Variants in MINK1 observed in about 807,000 individuals in gnomAD.
MINK1 encodes the protein misshapen like kinase 1.
MINK1 carries 46 observed loss-of-function variants against 178.4 expected under a neutral mutation model. The ratio of observed to expected loss-of-function variants is 0.26; its 90% CI spans 0.20 to 0.33. MINK1 has a LOEUF of 0.33. Among genes scored for constraint, MINK1 ranks in the 10% least tolerant of loss-of-function variants. The pLI, the probability that MINK1 is intolerant of heterozygous loss-of-function variation, is 1.00. For missense variants in MINK1, 1,366 were observed against 1,814.9 expected (o/e 0.75, Z 4.49); for synonymous variants, 797 against 709.7 (o/e 1.12, Z -1.96).
In MINK1 at chr17:4,881,369, C is replaced by T. The variant is rs746441024; in HGVS notation, c.306+112C>T. 3.4e-4 allele frequency: 424 copies of T among 1,241,512 alleles called. 1 individual carries two copies. Among genetic ancestry groups the T allele is most frequent in the Non-Finnish European group, 4.3e-4 (388 of 899,796 alleles). The allele number at this position is 1,241,512 out of a possible 1,614,324, so 76.9% of individuals were successfully genotyped here. Reference sequence around the variant, plus strand: ...CTCTCCTTGCCAGCTACCCTCCCTCCGGTCTACCCAGCCTCCCCTGTCCCT... The same window carrying T: ...CTCTCCTTGCCAGCTACCCTCCCTCTGGTCTACCCAGCCTCCCCTGTCCCT... On this transcript the variant is annotated intron_variant, in intron 4 of 31. Transcript: ENST00000355280.
At chr17:4,865,349 C>T (rs1443291405) in intron 1 of MINK1, among the ~76,000 whole-genome samples, 2 of 151,468 alleles carry the variant, frequency 1.3e-5, no homozygotes, top group East Asian at 1.9e-4. Context: ...CAGGAGAATC[C>T]CTTGAACCCG....
In MINK1 at chr17:4,833,528, TG is replaced by T; in HGVS notation, c.-54del. Reference sequence around the variant, plus strand: ...GGGGGAGAAGCGGCGACGGCGGCAGTGGAGTAACCGAGCCGGAGCGTGAGCG... The same window carrying T: ...GGGGGAGAAGCGGCGACGGCGGCAGTGAGTAACCGAGCCGGAGCGTGAGCG... On this transcript the variant is annotated 5_prime_UTR_variant, in exon 1 of 32. An upstream open reading frame in the 5' UTR gains an earlier in-frame stop. Coordinates refer to ENST00000355280, the MANE Select transcript of MINK1 (RefSeq NM_153827.5). The surrounding 1 kb of genome is among the most constrained non-coding windows in gnomAD (Gnocchi z 4.8). 1 of 1,413,548 alleles carries T rather than the reference TG, an allele frequency of 7.1e-7. No homozygotes were observed. 87.6% of individuals were successfully genotyped at this position (1,413,548 alleles called of 1,614,324 possible).
chr17:4,861,714 TG>T, intron 1 of MINK1: 1 of 282,336 alleles, frequency 3.5e-6, no homozygotes, highest in South Asian at 2.8e-5. Flanking sequence ...TTGGCCAGGC[TG>T]GTCTTGAACT....
chr17:4,840,375 C>T (rs1910026028), intron 1 of MINK1, among the ~76,000 whole-genome samples: 1 of 152,030 alleles, frequency 6.6e-6, no homozygotes, highest in Non-Finnish European at 1.5e-5. Context: ...CTGAATCTTC[C>T]TGTGGGAGGG....
In MINK1 at chr17:4,894,111, C is replaced by G; in HGVS notation, c.2670+18C>G. The G allele has an allele frequency of 6.2e-7, 1 of 1,602,096 alleles. No homozygotes were observed. Among genetic ancestry groups the G allele is most frequent in the Non-Finnish European group, 8.5e-7 (1 of 1,172,666 alleles). On this transcript the variant is annotated intron_variant, in intron 22 of 31. Transcript: ENST00000355280. The surrounding 1 kb of genome is among the most constrained non-coding windows in gnomAD (Gnocchi z 4.1). ...TCCAGCGCGTGAGTGAGCCTCTGCT[C>G]CCTCCCCTGTACCTGTGTGTGCCCT...
chr17:4,865,566 T>G (rs1436113270), intron 1 of MINK1, among the ~76,000 whole-genome samples: 1 of 151,482 alleles, frequency 6.6e-6, no homozygotes, highest in Non-Finnish European at 1.5e-5. Flanking sequence ...TAGAATAAAA[T>G]GATGAAATTG....
chr17:4,895,136 T>C lies in MINK1; in HGVS notation c.2979T>C (p.Ser993=). The C allele has an allele frequency of 6.2e-7, 1 of 1,613,976 alleles. No homozygotes were observed. The highest frequency in any genetic ancestry group is 8.5e-7 in the Non-Finnish European group (1 of 1,180,020). ...TGCAGTACGACGTGAGGAAGGGTTCTGTGGTCAACGTGAATCCCACCAACA... is the reference window on the plus strand; with the variant it reads ...TGCAGTACGACGTGAGGAAGGGTTCCGTGGTCAACGTGAATCCCACCAACA... ...DQLQYDVRKG[S]VVNVNPTNTR... Residue 993 remains serine (S), a synonymous_variant, in exon 25 of 32, where the codon TCT becomes TCC. Transcript: ENST00000355280. This position sits in a 1 kb window ranked among gnomAD's most constrained non-coding sequence, Gnocchi z 4.3.
intron 20 of MINK1, 120 bp downstream of exon 20, chr17:4,893,187 G>A: frequency 6.5e-7 from 1 of 1,534,622 alleles, no homozygotes; most frequent in Non-Finnish European, 8.9e-7. Context: ...GGGGATGGAG[G>A]GACTGGTGCT....
intron 1 of MINK1, among the ~76,000 whole-genome samples, chr17:4,859,860 A>C (rs1913848813): frequency 6.8e-6 from 1 of 146,864 alleles, no homozygotes; most frequent in East Asian, 1.9e-4. Context: ...TTGCTAAAGT[A>C]CTTAAAAAAA....
At chr17:4,884,198 C>T (rs569555156) in intron 4 of MINK1, among the ~76,000 whole-genome samples, 165 bp from the exon 5 acceptor site, 1 of 152,232 alleles carries the variant, frequency 6.6e-6, no homozygotes, top group African/African-American at 2.4e-5. Context: ...TTGAGGAAAT[C>T]CTGTGGCCTT....
chr17:4,894,214 A>G lies in MINK1; in HGVS notation c.2711A>G (p.Asn904Ser), dbSNP rs1033342635. Residue 904 changes from asparagine (N) to serine (S), a missense_variant, in exon 23 of 32, where the codon AAT becomes AGT. Transcript: ENST00000355280. This position sits in a 1 kb window ranked among gnomAD's most constrained non-coding sequence, Gnocchi z 4.1. Reference protein sequence around the residue: ...EERNLLHADSNGYTNLPDVVQ... With the variant: ...EERNLLHADSSGYTNLPDVVQ... ...CGGAACCTGCTGCATGCTGACAGCAATGGGTACACAAACCTGCCTGACGTG... is the reference window on the plus strand; with the variant it reads ...CGGAACCTGCTGCATGCTGACAGCAGTGGGTACACAAACCTGCCTGACGTG... 5.0e-6 allele frequency: 8 copies of G among 1,613,466 alleles called. No homozygotes were observed. Among genetic ancestry groups the G allele is most frequent in the Non-Finnish European group, 5.9e-6 (7 of 1,179,814 alleles).
chr17:4,896,624 G>C lies in MINK1; in HGVS notation c.3775+36G>C, dbSNP rs370689862. On this transcript the variant is annotated intron_variant, in intron 30 of 31. Transcript: ENST00000355280. This position sits in a 1 kb window ranked among gnomAD's most constrained non-coding sequence, Gnocchi z 4.6. ...TGCCGCCCTCCCAGCCACATGCCCCGAGGTGGCCCCGGGGTGCAGCCTGCT... is the reference window on the plus strand; with the variant it reads ...TGCCGCCCTCCCAGCCACATGCCCCCAGGTGGCCCCGGGGTGCAGCCTGCT... The C allele has an allele frequency of 1.2e-6, 2 of 1,612,014 alleles. No homozygotes were observed. The highest frequency in any genetic ancestry group is 1.7e-6 in the Non-Finnish European group (2 of 1,178,756).
chr17:4,859,383 T>TA, intron 1 of MINK1: 1 of 851,408 alleles, frequency 1.2e-6, no homozygotes, highest in Non-Finnish European at 1.4e-6. Flanking sequence ...CTCACAATCT[T>TA]ACTCTTTATA....
chr17:4,894,370 T>TG lies in MINK1; in HGVS notation c.2808+59_2808+60insG. 6.3e-7 allele frequency: 1 copy of TG among 1,577,498 alleles called. No individual in the cohort carries two copies. The highest frequency in any genetic ancestry group is 1.9e-5 in the Admixed American group (1 of 53,884). On this transcript the variant is annotated intron_variant, in intron 23 of 31. Coordinates refer to ENST00000355280, the MANE Select transcript of MINK1 (RefSeq NM_153827.5). The surrounding 1 kb of genome is among the most constrained non-coding windows in gnomAD (Gnocchi z 4.1). ...AAGAGCCCTGGCGATGGGCAGGAGG[T>TG]CCCGGTGCTGGGTAACGGCAGAGGA...
chr17:4,885,775 G>A lies in MINK1; in HGVS notation c.640-136G>A, dbSNP rs1424346135. 2.2e-6 allele frequency: 3 copies of A among 1,380,722 alleles called. No homozygotes were observed. The highest frequency in any genetic ancestry group is 3.0e-6 in the Non-Finnish European group (3 of 1,003,174). 85.5% of individuals were successfully genotyped at this position (1,380,722 alleles called of 1,614,324 possible). A position where few individuals can be genotyped will look rare whatever the true frequency, so the allele number is the denominator to read the frequency against. Reference sequence around the variant, plus strand: ...CAAGGCAAGTGTGGGTGGGAAGATGGGATGGGTTGGAAGGCACTGCTGCAG... The same window carrying A: ...CAAGGCAAGTGTGGGTGGGAAGATGAGATGGGTTGGAAGGCACTGCTGCAG... On this transcript the variant is annotated intron_variant, in intron 7 of 31. Transcript: ENST00000355280. The surrounding 1 kb of genome is among the most constrained non-coding windows in gnomAD (Gnocchi z 5.0).
At position 4,886,307 on chromosome 17, in the gene MINK1, G is replaced by T. The variant is rs1968191343; in HGVS notation, c.773+109G>T. On this transcript the variant is annotated intron_variant, in intron 9 of 31. Coordinates refer to ENST00000355280, the MANE Select transcript of MINK1 (RefSeq NM_153827.5). The surrounding 1 kb of genome is among the most constrained non-coding windows in gnomAD (Gnocchi z 6.1). ...TGGATCTCACCAGAGAAGAGATTCT[G>T]GGGGGCAGAGGGCGGTGACTGGTGT... The T allele has an allele frequency of 3.3e-6, 5 of 1,509,414 alleles. No homozygotes were observed. The highest frequency in any genetic ancestry group is 1.4e-5 in the African/African-American group (1 of 72,696). The allele number at this position is 1,509,414 out of a possible 1,614,324, so 93.5% of individuals were successfully genotyped here.
chr17:4,867,962 C>T (rs1449371439), intron 1 of MINK1, among the ~76,000 whole-genome samples: 1 of 150,824 alleles, frequency 6.6e-6, no homozygotes, highest in Non-Finnish European at 1.5e-5. Flanking sequence ...CATTCCATAT[C>T]TTCTAGCTCT....
intron 1 of MINK1, among the ~76,000 whole-genome samples, chr17:4,835,323 A>G (rs1909144489): frequency 6.6e-6 from 1 of 152,102 alleles, no homozygotes; most frequent in African/African-American, 2.4e-5. Context: ...GGTGACTAAA[A>G]TACAATAAAA....
Position 4,897,472 on chromosome 17 carries a change from C to G in MINK1, c.*185C>G, listed in dbSNP as rs1969672840. ...GTGATCACGTGACCATCCTCTTCCCCAACATGTCCTCTTCCCAAAACTGTG... is the reference window on the plus strand; with the variant it reads ...GTGATCACGTGACCATCCTCTTCCCGAACATGTCCTCTTCCCAAAACTGTG... On this transcript the variant is annotated 3_prime_UTR_variant, in exon 32 of 32. Coordinates refer to ENST00000355280, the MANE Select transcript of MINK1 (RefSeq NM_153827.5). The G allele has an allele frequency of 6.9e-6, 4 of 582,358 alleles. No homozygotes were observed. In the Admixed American group the frequency reaches 9.4e-5, roughly 14 times the overall value. 36.1% of individuals were successfully genotyped at this position (582,358 alleles called of 1,614,324 possible). A position where few individuals can be genotyped will look rare whatever the true frequency, so the allele number is the denominator to read the frequency against.
Sources: allele counts gnomAD v4.1 joint callset (sites outside exome capture counted in the v4.1 genomes callset), GRCh38; gene constraint gnomAD v4.1.1; non-coding constraint Gnocchi (gnomAD v3.1); transcripts MANE v1.5; gene names NCBI Gene and HGNC (gene_info 2026-07-23, HGNC 2026-07-21).